ARL15: variants seen among roughly 807,000 people sequenced by gnomAD.
ARL15 encodes ADP-ribosylation factor-like protein 15.
Under a neutral mutation model 25.2 loss-of-function variants are expected in ARL15, and 19 were observed. That is an observed-to-expected ratio of 0.75 (90% CI 0.53 to 1.10). The LOEUF is 1.10. Ranked by LOEUF, ARL15 falls within the 50% of genes least tolerant of loss-of-function variation. ARL15 has a pLI of 0.00. For missense variants in ARL15, 220 were observed against 246.0 expected (o/e 0.89, Z 0.71); for synonymous variants, 94 against 86.8 (o/e 1.08, Z -0.46).
intron 4 of ARL15, among the ~76,000 whole-genome samples, chr5:53,982,059 G>A (rs1243723000): frequency 2.0e-5 from 3 of 152,114 alleles, no homozygotes; most frequent in African/African-American, 7.2e-5. Context: ...TAAGGAGGAG[G>A]TAAGGAGAAC....
intron 4 of ARL15, among the ~76,000 whole-genome samples, chr5:54,044,053 A>G (rs367920246): frequency 3.3e-5 from 5 of 152,042 alleles, no homozygotes; most frequent in African/African-American, 1.2e-4. Context: ...CTATTGCATC[A>G]TGACTACTAG....
At chr5:53,935,337 G>C (rs1235871350) in intron 4 of ARL15, among the ~76,000 whole-genome samples, 1 of 152,192 alleles carries the variant, frequency 6.6e-6, no homozygotes, top group Non-Finnish European at 1.5e-5. Context: ...GTGCAGGATG[G>C]AAGTAGTGAT....
intron 1 of ARL15, among the ~76,000 whole-genome samples, chr5:54,211,021 G>A (rs142634068): frequency 1.3e-5 from 2 of 152,246 alleles, no homozygotes; most frequent in African/African-American, 4.8e-5. Context: ...GCTTATTTTT[G>A]CAGTCACACA....
chr5:54,203,373 T>C (rs996154147), intron 1 of ARL15, among the ~76,000 whole-genome samples: 1 of 152,166 alleles, frequency 6.6e-6, no homozygotes, highest in East Asian at 1.9e-4. Flanking sequence ...TCGCCAAGAA[T>C]ATCGACTTTT....
chr5:54,129,193 C>A (rs917752081), intron 3 of ARL15, among the ~76,000 whole-genome samples: 4 of 152,138 alleles, frequency 2.6e-5, no homozygotes, highest in African/African-American at 9.7e-5. Context: ...TAAATCTGAA[C>A]ATTGATAGGA....
In ARL15 at chr5:54,221,825, GCACACACACACACACA is replaced by G. The variant is rs3035310; in HGVS notation, c.49-49913_49-49898del. Among the ~76,000 whole-genome samples the G allele has an allele frequency of 9.2e-3, 1,307 of 142,120 alleles. 6 individuals carry two copies. The highest frequency in any genetic ancestry group is 0.021 in the African/African-American group (800 of 38,742). The allele number at this position is 142,120 out of a possible 152,430, so 93.2% of individuals were successfully genotyped here. ...TTTTAGGTTATTTGGCAAGAAACATGCACACACACACACACACACACACACACACACACACACACAC... is the reference window on the plus strand; with the variant it reads ...TTTTAGGTTATTTGGCAAGAAACATGCACACACACACACACACACACACAC... On this transcript the variant is annotated intron_variant, in intron 1 of 4. Transcript: ENST00000504924.
intron 4 of ARL15, among the ~76,000 whole-genome samples, chr5:54,008,387 C>T (rs1287101860): frequency 6.6e-6 from 1 of 152,200 alleles, no homozygotes; most frequent in East Asian, 1.9e-4. Flanking sequence ...GTGCCGATTG[C>T]TCAAACCTTT....
chr5:54,238,406 G>A (rs1756865484), intron 1 of ARL15, among the ~76,000 whole-genome samples: 1 of 152,126 alleles, frequency 6.6e-6, no homozygotes. Flanking sequence ...CCCAGCAACC[G>A]TTGGAACCCT....
At chr5:54,246,448 T>C (rs1374779304) in intron 1 of ARL15, among the ~76,000 whole-genome samples, 1 of 152,098 alleles carries the variant, frequency 6.6e-6, no homozygotes, top group African/African-American at 2.4e-5. Context: ...GGACATCCCA[T>C]GGATGCCTCA....
intron 1 of ARL15, among the ~76,000 whole-genome samples, chr5:54,184,615 CAAAAAAAAA>C (rs5867920): frequency 3.2e-4 from 39 of 121,630 alleles, no homozygotes; most frequent in African/African-American, 1.1e-3. Flanking sequence ...AGGCTTATAA[CAAAAAAAAA>C]AAAAAAAAAA....
chr5:53,900,552 G>GA (rs1466262620), intron 4 of ARL15, among the ~76,000 whole-genome samples: 2 of 149,628 alleles, frequency 1.3e-5, no homozygotes, highest in Non-Finnish European at 3.0e-5. Flanking sequence ...GCACAGAAAT[G>GA]AAAAAAAATT....
intron 4 of ARL15, among the ~76,000 whole-genome samples, chr5:54,098,109 G>C (rs761363019): frequency 2.0e-5 from 3 of 152,082 alleles, no homozygotes; most frequent in Non-Finnish European, 4.4e-5. Flanking sequence ...AAAGAATCTA[G>C]GGTCATATAA....
At chr5:53,899,346 CCAAAAAAAAAAAAA>C (rs1744982455) in intron 4 of ARL15, among the ~76,000 whole-genome samples, 1 of 38,714 alleles carries the variant, frequency 2.6e-5, no homozygotes, top group African/African-American at 1.3e-4. Flanking sequence ...AGACTCTATC[CCAAAAAAAAAAAAA>C]AAAAAAAAAA....
intron 4 of ARL15, among the ~76,000 whole-genome samples, chr5:54,011,867 C>T (rs529485721): frequency 2.0e-4 from 31 of 152,008 alleles, no homozygotes; most frequent in African/African-American, 6.0e-4. Flanking sequence ...AAATTAGCTG[C>T]GTGTGGTGGC....
chr5:54,009,718 T>A (rs1749170820), intron 4 of ARL15, among the ~76,000 whole-genome samples: 1 of 151,696 alleles, frequency 6.6e-6, no homozygotes, highest in South Asian at 2.1e-4. Flanking sequence ...TAAGACAAAC[T>A]TGATGAAAAA....
chr5:54,013,829 C>T (rs1749318786), intron 4 of ARL15, among the ~76,000 whole-genome samples: 2 of 152,134 alleles, frequency 1.3e-5, no homozygotes, highest in South Asian at 2.1e-4. Context: ...ATCAGCAGCA[C>T]CCATTCCCTT....
intron 4 of ARL15, among the ~76,000 whole-genome samples, chr5:54,041,966 T>C (rs1455092228): frequency 4.0e-5 from 6 of 151,474 alleles, no homozygotes; most frequent in African/African-American, 1.5e-4. Context: ...TCGCTTGTTT[T>C]CGTTTTTGTT....
chr5:54,168,843 T>C (rs1482712030), intron 2 of ARL15, among the ~76,000 whole-genome samples: 2 of 152,204 alleles, frequency 1.3e-5, no homozygotes, highest in African/African-American at 4.8e-5. Flanking sequence ...ACCATTAATA[T>C]AACACATATC....
chr5:54,026,809 A>G (rs1264506089), intron 4 of ARL15, among the ~76,000 whole-genome samples: 7 of 152,136 alleles, frequency 4.6e-5, no homozygotes, highest in Non-Finnish European at 1.0e-4. Context: ...AATAAGCCAC[A>G]TTACATTTTA....
Sources: gnomAD v4.1 joint callset for allele counts (sites outside exome capture counted in the v4.1 genomes callset) on GRCh38, gnomAD v4.1.1 for gene constraint, MANE v1.5 for transcripts, NCBI Gene and HGNC (gene_info 2026-07-23, HGNC 2026-07-21) for gene names.